Variants in OR4E2 observed in about 807,000 individuals in gnomAD.
The protein encoded by OR4E2 is olfactory receptor family 4 subfamily E member 2, also known as olfactory receptor 4E2.
In OR4E2, 9 loss-of-function variants were observed where a neutral mutation model predicts 11.0. The ratio of observed to expected loss-of-function variants is 0.82; its 90% CI spans 0.49 to 1.43. The LOEUF (loss-of-function observed/expected upper bound fraction) is 1.43, where lower values mean the gene tolerates loss of function less well. OR4E2 is among the 40% of genes most tolerant of loss of function. The pLI is 0.00. For missense variants in OR4E2, 441 were observed against 382.0 expected, an observed-to-expected ratio of 1.15 and a Z score of -1.29; for synonymous variants, 159 against 147.3, an observed-to-expected ratio of 1.08 and a Z score of -0.57.
At chr14:21,657,386 C>CTTCT (rs1256255365) in intron 2 of OR4E2, among the ~76,000 whole-genome samples, 3 of 120,368 alleles carry the variant, frequency 2.5e-5, no homozygotes, top group African/African-American at 9.2e-5. Context: ...TCCTTCCTTC[C>CTTCT]TTTCTTTCTT....
chr14:21,665,028 T>A (rs1880549852), intron 3 of OR4E2, 47 bp from the exon 4 acceptor site: 1 of 968,810 alleles, frequency 1.0e-6, no homozygotes, highest in Non-Finnish European at 1.6e-6. Context: ...TTAGTTCTAT[T>A]CCTATAATAA....
rs1050992289 is a variant in OR4E2 at position 21,666,500 on chromosome 14, A to G, written c.*476A>G. The stretch of plus-strand genomic sequence containing the variant: ...ATAAGCCTTTACTTATTTATATTGA[A>G]TTAAACTTTTGTTGCTTTTGAATGT... On this transcript the variant is annotated 3_prime_UTR_variant, in exon 4 of 4. Transcript: ENST00000641524. 1.3e-5 allele frequency: 2 copies of G among 152,336 alleles called. No individual in the cohort carries two copies. The highest frequency in any genetic ancestry group is 4.8e-5 in the African/African-American group (2 of 41,442). 9.4% of individuals were successfully genotyped at this position (152,336 alleles called of 1,614,324 possible).
At chr14:21,661,453 T>C (rs1880321459) in intron 3 of OR4E2, among the ~76,000 whole-genome samples, 1 of 152,216 alleles carries the variant, frequency 6.6e-6, no homozygotes, top group Non-Finnish European at 1.5e-5. Flanking sequence ...AGGTTCGTAA[T>C]ATACTCATAA....
At chr14:21,657,429 TTTC>T (rs1448426999) in intron 2 of OR4E2, among the ~76,000 whole-genome samples, 23 of 140,144 alleles carry the variant, frequency 1.6e-4, no homozygotes, top group Non-Finnish European at 2.8e-4. Context: ...TTTCTCTTTC[TTTC>T]TTCTTTCTTT....
chr14:21,658,629 C>G (rs1438075767), intron 2 of OR4E2, among the ~76,000 whole-genome samples: 1 of 151,996 alleles, frequency 6.6e-6, no homozygotes, highest in Non-Finnish European at 1.5e-5. Context: ...AAACTGGGGT[C>G]AGGGAGTAGA....
intron 2 of OR4E2, among the ~76,000 whole-genome samples, chr14:21,659,929 G>C (rs897114292): frequency 6.6e-6 from 1 of 151,818 alleles, no homozygotes; most frequent in Non-Finnish European, 1.5e-5. Context: ...TCAGGATAAA[G>C]GGGATCAGGA....
At chr14:21,655,092 G>C in intron 1 of OR4E2, among the ~76,000 whole-genome samples, 1 of 152,108 alleles carries the variant, frequency 6.6e-6, no homozygotes, top group African/African-American at 2.4e-5. Context: ...AAATAACTGG[G>C]TACCATGGCC....
At chr14:21,663,939 C>T (rs1196982799) in intron 3 of OR4E2, among the ~76,000 whole-genome samples, 1 of 152,122 alleles carries the variant, frequency 6.6e-6, no homozygotes, top group Non-Finnish European at 1.5e-5. Flanking sequence ...GATCTTGTTC[C>T]TTTTTATGGC....
In OR4E2 at chr14:21,665,266, T is replaced by C; in HGVS notation, c.184T>C (p.Phe62Leu). The change falls in exon 4 of 4, where the codon TTC (phenylalanine) becomes CTC (leucine). Residue 62 changes from phenylalanine to leucine, a missense_variant. Coordinates refer to ENST00000641524, the MANE Select transcript of OR4E2 (RefSeq NM_001001912.3). Reference protein sequence around the residue: ...TPSLHTPMYFFLSNLSFIDIC... With the variant: ...TPSLHTPMYFLLSNLSFIDIC... The stretch of plus-strand genomic sequence containing the variant: ...AAGTCTCCATACCCCCATGTATTTC[T>C]TCCTGAGCAATCTGTCCTTTATTGA... 1 of 1,614,144 alleles carries C rather than the reference T, an allele frequency of 6.2e-7. No homozygotes were observed. The highest frequency in any genetic ancestry group is 8.5e-7 in the Non-Finnish European group (1 of 1,179,986).
At chr14:21,660,973 G>A (rs1310354085) in intron 3 of OR4E2, among the ~76,000 whole-genome samples, 1 of 152,080 alleles carries the variant, frequency 6.6e-6, no homozygotes, top group Non-Finnish European at 1.5e-5. Context: ...AAAATTATAT[G>A]TTTATAATAC....
chr14:21,657,365 C>T (rs181370711), intron 2 of OR4E2, among the ~76,000 whole-genome samples: 2 of 145,406 alleles, frequency 1.4e-5, no homozygotes, highest in African/African-American at 5.1e-5. Context: ...TTCCTTCCTT[C>T]CTTCCTTCCT....
rs546891654 is a variant in OR4E2 at position 21,666,355 on chromosome 14, G to A, written c.*331G>A. The A allele has an allele frequency of 4.3e-5, 11 of 254,836 alleles. No individual in the cohort carries two copies. Among genetic ancestry groups the A allele is most frequent in the Non-Finnish European group, 7.5e-5 (10 of 133,018 alleles). The allele number at this position is 254,836 out of a possible 1,614,324, so 15.8% of individuals were successfully genotyped here. A position where few individuals can be genotyped will look rare whatever the true frequency, so the allele number is the denominator to read the frequency against. Reference sequence around the variant, plus strand: ...TTCAGGAGCAGGTAGAGTGAGAATTGACTCTCTTGATTTATACTGTTCTGT... The same window carrying A: ...TTCAGGAGCAGGTAGAGTGAGAATTAACTCTCTTGATTTATACTGTTCTGT... On this transcript the variant is annotated 3_prime_UTR_variant, in exon 4 of 4. Transcript: ENST00000641524.
rs745653852 is a variant in OR4E2, at chr14:21,665,834, T to C, written c.752T>C (p.Phe251Ser). The C allele has an allele frequency of 4.5e-5, 73 of 1,612,278 alleles. No individual in the cohort carries two copies. Among genetic ancestry groups the C allele is most frequent in the Non-Finnish European group, 6.1e-5 (72 of 1,179,014 alleles). Residue 251 changes from phenylalanine to serine, a missense_variant, in exon 4 of 4, where the codon TTT becomes TCT. Coordinates refer to ENST00000641524, the MANE Select transcript of OR4E2 (RefSeq NM_001001912.3). ...CACTTCATGGTGGTTGCCCTCTTCT[T>C]TGGGCCATGTATCTTCATCTATACT... ...SAHFMVVALF[F>S]GPCIFIYTRP...
intron 2 of OR4E2, among the ~76,000 whole-genome samples, 154 bp from the exon 3 acceptor site, chr14:21,660,499 G>C (rs577510875): frequency 6.6e-6 from 1 of 152,332 alleles, no homozygotes; most frequent in African/African-American, 2.4e-5. Flanking sequence ...AGTGGTAGGA[G>C]ACGAGGTCAG....
Position 21,665,310 on chromosome 14 carries a change from CA to C in OR4E2, c.229del (p.Thr77LeufsTer11). On this transcript the variant is annotated frameshift_variant, in exon 4 of 4. Transcript: ENST00000641524. LOFTEE classifies it high-confidence loss of function. ...SFIDICHSSVTVPKMLEGLLL... is the reference protein window; with the variant it reads ...SFIDICHSSVXVPKMLEGLLL... ...TTATTGACATCTGCCACTCATCTGTCACTGTGCCTAAGATGTTGGAGGGTTT... is the reference window on the plus strand; with the variant it reads ...TTATTGACATCTGCCACTCATCTGTCCTGTGCCTAAGATGTTGGAGGGTTT... The C allele has an allele frequency of 6.2e-7, 1 of 1,614,124 alleles. No homozygotes were observed. Among genetic ancestry groups the C allele is most frequent in the South Asian group, 1.1e-5 (1 of 91,084 alleles).
intron 1 of OR4E2, among the ~76,000 whole-genome samples, 153 bp downstream of exon 1, chr14:21,654,092 ATT>A (rs948070716): frequency 6.6e-6 from 1 of 152,128 alleles, no homozygotes; most frequent in Non-Finnish European, 1.5e-5. Flanking sequence ...GGGTTGATTG[ATT>A]TGATTTTATG....
Position 21,665,168 on chromosome 14 carries a change from T to A in OR4E2, c.86T>A (p.Met29Lys), listed in dbSNP as rs1470716563. Residue 29 changes from methionine to lysine, a missense_variant, in exon 4 of 4, where the codon ATG becomes AAG. Met to Lys is a moderately conservative substitution (Grantham distance 95). Coordinates refer to ENST00000641524, the MANE Select transcript of OR4E2 (RefSeq NM_001001912.3). ...CGGGTGCTGGAAATGCTGTTTTTCATGGCATTCTCAGCCATTTATATGCTA... is the reference window on the plus strand; with the variant it reads ...CGGGTGCTGGAAATGCTGTTTTTCAAGGCATTCTCAGCCATTTATATGCTA... ...DNRVLEMLFF[M>K]AFSAIYMLTL... 1.2e-6 allele frequency: 2 copies of A among 1,613,840 alleles called. No homozygotes were observed. The highest frequency in any genetic ancestry group is 1.7e-6 in the Non-Finnish European group (2 of 1,179,852).
At chr14:21,657,364 TCC>T in intron 2 of OR4E2, among the ~76,000 whole-genome samples, 1 of 146,038 alleles carries the variant, frequency 6.8e-6, no homozygotes, top group Admixed American at 7.1e-5. Flanking sequence ...CTTCCTTCCT[TCC>T]TTCCTTCCTT....
In OR4E2 at chr14:21,665,065, C is replaced by A; in HGVS notation, c.-8-10C>A. 3.6e-6 allele frequency: 5 copies of A among 1,391,936 alleles called. No homozygotes were observed. Among genetic ancestry groups the A allele is most frequent in the South Asian group, 1.3e-5 (1 of 76,732 alleles). 86.2% of individuals were successfully genotyped at this position (1,391,936 alleles called of 1,614,324 possible). A position where few individuals can be genotyped will look rare whatever the true frequency, so the allele number is the denominator to read the frequency against. On this transcript the variant is annotated splice_polypyrimidine_tract_variant and intron_variant, in intron 3 of 3. Coordinates refer to ENST00000641524, the MANE Select transcript of OR4E2 (RefSeq NM_001001912.3). ...AAAACTAAATTAGCTTTCATTTTTT[C>A]CCCCCTAAGCTCATTGAATGGACAG...
Sources: gnomAD v4.1 joint callset for allele counts (sites outside exome capture counted in the v4.1 genomes callset) on GRCh38, gnomAD v4.1.1 for gene constraint, MANE v1.5 for transcripts, NCBI Gene and HGNC (gene_info 2026-07-23, HGNC 2026-07-21) for gene names.